The following ANKRD28 variants were observed in gnomAD, a reference collection of about 807,000 sequenced individuals.
ANKRD28 encodes ankyrin repeat domain 28.
ANKRD28 carries 44 observed loss-of-function variants against 126.5 expected under a neutral mutation model. The ratio of observed to expected loss-of-function variants is 0.35; its 90% CI spans 0.27 to 0.45. The LOEUF is 0.45. ANKRD28 is among the 20% of genes least tolerant of loss of function. ANKRD28 has a pLI of 1.00. For missense variants in ANKRD28, 1,110 were observed against 1,316.6 expected (o/e 0.84, Z 2.43); for synonymous variants, 442 against 468.5 (o/e 0.94, Z 0.73).
intron 1 of ANKRD28, among the ~76,000 whole-genome samples, chr3:15,803,507 C>T (rs1427627187): frequency 6.6e-6 from 1 of 151,556 alleles, no homozygotes; most frequent in Non-Finnish European, 1.5e-5. Flanking sequence ...ATCCCAGCTA[C>T]TCAAGAGGCT....
At position 15,669,350 on chromosome 3, in the gene ANKRD28, C is replaced by T. The variant is rs2066151609; in HGVS notation, c.*920G>A. On this transcript the variant is annotated 3_prime_UTR_variant, in exon 28 of 28. Transcript: ENST00000683139. ...TAGAGAGGTTGAAGACTCCATGCCCCAGGACCACTTAGCTGCAATAGGGTG... is the reference window on the plus strand; with the variant it reads ...TAGAGAGGTTGAAGACTCCATGCCCTAGGACCACTTAGCTGCAATAGGGTG... The T allele has an allele frequency of 6.6e-6, 1 of 152,160 alleles. No individual in the cohort carries two copies. Among genetic ancestry groups the T allele is most frequent in the Non-Finnish European group, 1.5e-5 (1 of 68,026 alleles). 9.4% of individuals were successfully genotyped at this position (152,160 alleles called of 1,614,324 possible).
Position 15,669,861 on chromosome 3 carries a change from C to T in ANKRD28, c.*409G>A. The stretch of plus-strand genomic sequence containing the variant: ...TTGCAATTTGCTGTGCACATAATGC[C>T]TACTGTACCAAACTTTTATTGCCTT... On this transcript the variant is annotated 3_prime_UTR_variant, in exon 28 of 28. Transcript: ENST00000683139. The T allele has an allele frequency of 6.2e-6, 1 of 160,628 alleles. No individual in the cohort carries two copies. The highest frequency in any genetic ancestry group is 1.8e-4 in the East Asian group (1 of 5,704). 10.0% of individuals were successfully genotyped at this position (160,628 alleles called of 1,614,324 possible).
At chr3:15,759,322 C>A (rs1212921930) in intron 3 of ANKRD28, among the ~76,000 whole-genome samples, 1 of 150,822 alleles carries the variant, frequency 6.6e-6, no homozygotes, top group Non-Finnish European at 1.5e-5. Flanking sequence ...TTATATAATA[C>A]CTTCACAAAT....
intron 1 of ANKRD28, among the ~76,000 whole-genome samples, chr3:15,823,124 T>C (rs1284725506): frequency 6.6e-6 from 1 of 152,194 alleles, no homozygotes; most frequent in Non-Finnish European, 1.5e-5. Flanking sequence ...AATTTTTCCA[T>C]GGAGCGGGGG....
chr3:15,808,519 C>A (rs1344846633), intron 1 of ANKRD28, among the ~76,000 whole-genome samples: 1 of 152,174 alleles, frequency 6.6e-6, no homozygotes, highest in Admixed American at 6.5e-5. Context: ...ATTCAATAGT[C>A]ATCTTTCATT....
chr3:15,725,003 T>C (rs1343304201), intron 6 of ANKRD28, among the ~76,000 whole-genome samples: 3 of 152,094 alleles, frequency 2.0e-5, no homozygotes, highest in Non-Finnish European at 2.9e-5. Context: ...GACAAAAAAA[T>C]AGAATTCAGG....
At chr3:15,725,094 C>T (rs1210216420) in intron 6 of ANKRD28, among the ~76,000 whole-genome samples, 1 of 152,130 alleles carries the variant, frequency 6.6e-6, no homozygotes, top group African/African-American at 2.4e-5. Context: ...TCCATATCTG[C>T]AGATTCAACC....
Position 15,712,136 on chromosome 3 carries a change from T to C in ANKRD28, c.1273+4A>G, listed in dbSNP as rs1324100250. 1 of 1,568,232 alleles carries C rather than the reference T, an allele frequency of 6.4e-7. No homozygotes were observed. The highest frequency in any genetic ancestry group is 1.9e-5 in the Admixed American group (1 of 52,866). ...ATACAAAAGGCTGCAAAGGTTACAC[T>C]TACCTGAAGAAAGAAGTTTTCTGCA... is the stretch of plus-strand genomic sequence containing the variant. On this transcript the variant is annotated splice_donor_region_variant and intron_variant, in intron 11 of 27. Coordinates refer to ENST00000683139, the MANE Select transcript of ANKRD28 (RefSeq NM_001349278.2).
intron 17 of ANKRD28, among the ~76,000 whole-genome samples, chr3:15,692,767 AC>A (rs2068978225): frequency 6.6e-6 from 1 of 152,246 alleles, no homozygotes; most frequent in Non-Finnish European, 1.5e-5. Flanking sequence ...AAGCCTAATC[AC>A]TAAATTATTT....
In ANKRD28 at chr3:15,686,316, A is replaced by G. The variant is rs7630642; in HGVS notation, c.1964-7T>C. 177,535 of 1,559,908 alleles carry G rather than the reference A, an allele frequency of 0.11. 16,633 individuals carry two copies. Among genetic ancestry groups the G allele is most frequent in the East Asian group, 0.54 (23,476 of 43,152 alleles). On this transcript the variant is annotated splice_polypyrimidine_tract_variant and splice_region_variant and intron_variant, in intron 18 of 27. Coordinates refer to ENST00000683139, the MANE Select transcript of ANKRD28 (RefSeq NM_001349278.2). ...TCTGAATGACCATTTGTTGCTGTAA[A>G]GTGAAATTTAAACATTTCAGTAATT...
At chr3:15,698,579 A>T (rs1330875547) in intron 14 of ANKRD28, among the ~76,000 whole-genome samples, 1 of 152,176 alleles carries the variant, frequency 6.6e-6, no homozygotes, top group African/African-American at 2.4e-5. Context: ...AATCACAAAG[A>T]TTCCCATACA....
chr3:15,687,984 A>C (rs2068337904), intron 18 of ANKRD28, among the ~76,000 whole-genome samples: 1 of 152,222 alleles, frequency 6.6e-6, no homozygotes, highest in South Asian at 2.1e-4. Context: ...GATGCTCTCT[A>C]TAGACCTCCA....
In ANKRD28 at chr3:15,751,830, G is replaced by A; in HGVS notation, c.281-10C>T. 1 of 1,533,542 alleles carries A rather than the reference G, an allele frequency of 6.5e-7. No individual in the cohort carries two copies. The highest frequency in any genetic ancestry group is 1.2e-5 in the South Asian group (1 of 80,256). The allele number at this position is 1,533,542 out of a possible 1,614,324, so 95.0% of individuals were successfully genotyped here. A position where few individuals can be genotyped will look rare whatever the true frequency, so the allele number is the denominator to read the frequency against. Reference sequence around the variant, plus strand: ...GCATTAACTCTAGCTCCTGCAACAAGAAGAAAAAAATAAATTGAAATATTG... The same window carrying A: ...GCATTAACTCTAGCTCCTGCAACAAAAAGAAAAAAATAAATTGAAATATTG... On this transcript the variant is annotated splice_polypyrimidine_tract_variant and intron_variant, in intron 3 of 27. Coordinates refer to ENST00000683139, the MANE Select transcript of ANKRD28 (RefSeq NM_001349278.2).
chr3:15,807,068 CCT>C (rs1345402950), intron 1 of ANKRD28, among the ~76,000 whole-genome samples: 1 of 152,162 alleles, frequency 6.6e-6, no homozygotes, highest in Non-Finnish European at 1.5e-5. Context: ...TCAGCTTTTC[CCT>C]CTGTCAGACT....
chr3:15,716,378 A>G (rs2073050292), intron 8 of ANKRD28, among the ~76,000 whole-genome samples: 1 of 150,534 alleles, frequency 6.6e-6, no homozygotes, highest in Admixed American at 6.6e-5. Flanking sequence ...TGCAACCTTG[A>G]ACTCTAGGGT....
rs1246862475 is a variant in ANKRD28 at position 15,709,731 on chromosome 3, A to G, written c.1343T>C (p.Leu448Ser). 7.7e-6 allele frequency: 12 copies of G among 1,562,390 alleles called. No homozygotes were observed. The highest frequency in any genetic ancestry group is 1.4e-5 in the African/African-American group (1 of 73,328). ...ATTCAGCAGAAGGTTTAGGCACTCCAAATTCCTATTGAGAGAAAATACAGT... is the reference window on the plus strand; with the variant it reads ...ATTCAGCAGAAGGTTTAGGCACTCCGAATTCCTATTGAGAGAAAATACAGT... ...CLHAAAAGGNLECLNLLLNTG... is the reference protein window; with the variant it reads ...CLHAAAAGGNSECLNLLLNTG... Residue 448 changes from leucine (L) to serine (S), a missense_variant, in exon 13 of 28, where the codon TTG becomes TCG. By Grantham distance (145) the Leu-to-Ser change is moderately radical. Coordinates refer to ENST00000683139, the MANE Select transcript of ANKRD28 (RefSeq NM_001349278.2).
chr3:15,849,617 T>A (rs1559597490), intron 1 of ANKRD28, among the ~76,000 whole-genome samples: 1 of 152,152 alleles, frequency 6.6e-6, no homozygotes, highest in Admixed American at 6.5e-5. Flanking sequence ...GAGTTGGAAT[T>A]GGAAGCTACA....
chr3:15,798,212 C>T (rs573023475), upstream of ANKRD28: 22 of 972,106 alleles, frequency 2.3e-5, no homozygotes, highest in Admixed American at 6.2e-5. Context: ...CAATTCCAAA[C>T]GGCTTAACTG....
chr3:15,685,914 G>A (rs2125767044), intron 20 of ANKRD28, 88 bp downstream of exon 20: 2 of 999,192 alleles, frequency 2.0e-6, no homozygotes, highest in Middle Eastern at 2.1e-4. Context: ...AACATTTAAT[G>A]AAGAAAAAAT....
Sources: gnomAD v4.1 joint callset for allele counts (sites outside exome capture counted in the v4.1 genomes callset) on GRCh38, gnomAD v4.1.1 for gene constraint, MANE v1.5 for transcripts, NCBI Gene and HGNC (gene_info 2026-07-23, HGNC 2026-07-21) for gene names.